Variants in NOSTRIN observed in about 807,000 individuals in gnomAD.
NOSTRIN encodes the protein nitric oxide synthase trafficking, also known as BM247 homolog.
NOSTRIN carries 63 observed loss-of-function variants against 59.0 expected under a neutral mutation model. The observed-to-expected ratio is 1.07, with a 90% CI of 0.87 to 1.32. The LOEUF (loss-of-function observed/expected upper bound fraction) is 1.32. NOSTRIN is among the 40% of genes most tolerant of loss of function. The pLI is 0.00. For synonymous variants in NOSTRIN, 200 were observed against 165.4 expected (o/e 1.21, Z -1.61); for missense variants, 512 against 473.1 (o/e 1.08, Z -0.76).
upstream of NOSTRIN, among the ~76,000 whole-genome samples, chr2:168,799,783 G>C (rs1199455546): frequency 1.3e-5 from 2 of 152,224 alleles, no homozygotes; most frequent in South Asian, 2.1e-4. Context: ...CCAGCCACCT[G>C]CTCCTTGTCC....
rs1689147251 is a variant in NOSTRIN, at chr2:168,856,736, T to A, written c.1011T>A (p.Ser337=). The change falls in exon 12 of 16, where the codon TCT becomes TCA. Residue 337 remains serine (S), a synonymous_variant. Transcript: ENST00000317647. ...LKTYSSTSSF[S]DAKSQKDTAA... ...CGTACTCCAGCACCTCCTCCTTCTC[T>A]GATGCAAAGAGCCAGAAAGACACAG... 6.2e-7 allele frequency: 1 copy of A among 1,614,118 alleles called. No homozygotes were observed. Among genetic ancestry groups the A allele is most frequent in the African/African-American group, 1.3e-5 (1 of 75,026 alleles).
intron 15 of NOSTRIN, among the ~76,000 whole-genome samples, chr2:168,862,315 C>T (rs1459481930): frequency 6.6e-6 from 1 of 152,206 alleles, no homozygotes; most frequent in Non-Finnish European, 1.5e-5. Flanking sequence ...TTGGTATTCC[C>T]ATTTCATAGC....
intron 1 of NOSTRIN, chr2:168,786,718 G>C (rs1559094553): frequency 6.6e-6 from 1 of 152,108 alleles, no homozygotes; most frequent in Non-Finnish European, 1.5e-5. Context: ...CCTCCTCGAA[G>C]TGTACTTTAC....
intron 8 of NOSTRIN, chr2:168,850,793 A>G (rs1409836862): frequency 1.3e-6 from 1 of 757,738 alleles, no homozygotes; most frequent in Admixed American, 2.2e-5. Flanking sequence ...TGTGTCTCAA[A>G]TGCTTCCTTT....
rs953011794 is a variant in NOSTRIN at position 168,859,462 on chromosome 2, T to A, written c.1054-50T>A. On this transcript the variant is annotated intron_variant, in intron 12 of 15. Transcript: ENST00000317647. Reference sequence around the variant, plus strand: ...TTATTCTGATATTCCTATCCAGTTGTGCCTCATTTACTAGAAATTTGCTCA... The same window carrying A: ...TTATTCTGATATTCCTATCCAGTTGAGCCTCATTTACTAGAAATTTGCTCA... 8 of 1,607,170 alleles carry A rather than the reference T, an allele frequency of 5.0e-6. No homozygotes were observed. In the African/African-American group the frequency reaches 1.1e-4, roughly 22 times the overall value.
intron 10 of NOSTRIN, among the ~76,000 whole-genome samples, chr2:168,853,807 A>G (rs536539886): frequency 6.6e-6 from 1 of 152,354 alleles, no homozygotes; most frequent in South Asian, 2.1e-4. Context: ...TGTCACAGGT[A>G]AAATGAGGAA....
chr2:168,856,254 C>T (rs1433280059), intron 11 of NOSTRIN: 2 of 224,614 alleles, frequency 8.9e-6, no homozygotes, highest in East Asian at 1.3e-4. Flanking sequence ...TTAAGAACTA[C>T]CTGCAGAGAC....
chr2:168,855,041 G>A (rs1399719967), intron 10 of NOSTRIN, among the ~76,000 whole-genome samples: 1 of 152,160 alleles, frequency 6.6e-6, no homozygotes, highest in African/African-American at 2.4e-5. Context: ...GAAGCAGTAA[G>A]TATACAACAA....
At chr2:168,813,176 C>T (rs775544449) in intron 2 of NOSTRIN, among the ~76,000 whole-genome samples, 1 of 152,154 alleles carries the variant, frequency 6.6e-6, no homozygotes, top group Non-Finnish European at 1.5e-5. Flanking sequence ...ATTTGTATGA[C>T]TCCTATGAAT....
upstream of NOSTRIN, among the ~76,000 whole-genome samples, chr2:168,795,242 C>G (rs149568681): frequency 6.6e-6 from 1 of 152,184 alleles, no homozygotes; most frequent in African/African-American, 2.4e-5. Context: ...GAGACTAAAA[C>G]GACTCTATAC....
chr2:168,864,900 A>C lies in NOSTRIN; in HGVS notation c.1451A>C (p.Lys484Thr). Reference sequence around the variant, plus strand: ...TGGTTTGGATCTTTGAATGGGAAAAAAGGCCATTTTCCTGCCGCTTATGTG... The same window carrying C: ...TGGTTTGGATCTTTGAATGGGAAAACAGGCCATTTTCCTGCCGCTTATGTG... ...GWWFGSLNGK[K>T]GHFPAAYVEE... The change falls in exon 16 of 16, where the codon AAA becomes ACA. Residue 484 changes from lysine to threonine, a missense_variant. Coordinates refer to ENST00000317647, the MANE Select transcript of NOSTRIN (RefSeq NM_001039724.4). The C allele has an allele frequency of 3.1e-6, 5 of 1,614,056 alleles. No individual in the cohort carries two copies. The highest frequency in any genetic ancestry group is 3.4e-6 in the Non-Finnish European group (4 of 1,179,956).
intron 15 of NOSTRIN, among the ~76,000 whole-genome samples, 154 bp downstream of exon 15, chr2:168,862,203 G>C (rs1187124723): frequency 1.3e-5 from 2 of 152,204 alleles, no homozygotes; most frequent in Non-Finnish European, 2.9e-5. Flanking sequence ...ACAAAAGCTC[G>C]CATAATGATA....
intron 2 of NOSTRIN, among the ~76,000 whole-genome samples, chr2:168,820,635 G>A (rs1421170200): frequency 6.7e-6 from 1 of 149,976 alleles, no homozygotes; most frequent in East Asian, 2.0e-4. Context: ...GTGCTGTGTG[G>A]TAGTTGAACC....
rs758730682 is a variant in NOSTRIN at position 168,864,976 on chromosome 2, G to GACTC, written c.*7_*10dup. 13 of 1,613,678 alleles carry GACTC rather than the reference G, an allele frequency of 8.1e-6. No homozygotes were observed. The highest frequency in any genetic ancestry group is 3.3e-5 in the Admixed American group (2 of 59,992). ...ACACAGCTACAAAGGCATAAAACAAGACTCTGAACATACTACCTTCACACT... is the reference window on the plus strand; with the variant it reads ...ACACAGCTACAAAGGCATAAAACAAGACTCACTCTGAACATACTACCTTCACACT... On this transcript the variant is annotated 3_prime_UTR_variant, in exon 16 of 16. Coordinates refer to ENST00000317647, the MANE Select transcript of NOSTRIN (RefSeq NM_001039724.4).
intron 15 of NOSTRIN, chr2:168,863,410 GA>G: frequency 1.0e-6 from 1 of 984,882 alleles, no homozygotes; most frequent in Non-Finnish European, 1.2e-6. Flanking sequence ...GTGAAAGGAA[GA>G]CTGAAAAATC....
intron 1 of NOSTRIN, among the ~76,000 whole-genome samples, chr2:168,806,945 T>G (rs1217642770): frequency 6.6e-6 from 1 of 152,224 alleles, no homozygotes; most frequent in Non-Finnish European, 1.5e-5. Flanking sequence ...TGGAGTAAAC[T>G]TACTGTGATT....
chr2:168,848,675 T>C (rs534967545), intron 8 of NOSTRIN, among the ~76,000 whole-genome samples: 2 of 152,170 alleles, frequency 1.3e-5, no homozygotes, highest in African/African-American at 2.4e-5. Context: ...CTAAGTGAAA[T>C]AGCCAGATGC....
At chr2:168,841,070 TG>T (rs2105709259) in intron 7 of NOSTRIN, among the ~76,000 whole-genome samples, 1 of 151,734 alleles carries the variant, frequency 6.6e-6, no homozygotes, top group Admixed American at 6.6e-5. Context: ...CTGGGCAACA[TG>T]GTGAAACCCC....
intron 8 of NOSTRIN, among the ~76,000 whole-genome samples, chr2:168,847,986 T>C (rs1445496687): frequency 6.6e-6 from 1 of 152,144 alleles, no homozygotes; most frequent in Non-Finnish European, 1.5e-5. Context: ...GTTCAGCACT[T>C]GTCAAAGTAA....
Sources: gnomAD v4.1 joint callset for allele counts (sites outside exome capture counted in the v4.1 genomes callset) on GRCh38, gnomAD v4.1.1 for gene constraint, MANE v1.5 for transcripts, NCBI Gene and HGNC (gene_info 2026-07-23, HGNC 2026-07-21) for gene names.